The following PRKN variants were observed in gnomAD, a reference collection of about 807,000 sequenced individuals.
PRKN encodes the protein parkin RBR E3 ubiquitin protein ligase.
A neutral mutation model predicts 59.5 loss-of-function variants in PRKN; 56 were observed. The ratio of observed to expected loss-of-function variants is 0.94; its 90% CI spans 0.76 to 1.18. PRKN has a LOEUF of 1.18. Among genes scored for constraint, PRKN ranks in the 50% most tolerant of loss-of-function variants. The pLI is 0.00. For missense variants in PRKN, 657 were observed against 596.4 expected, an observed-to-expected ratio of 1.10 and a Z score of -1.06; for synonymous variants, 250 against 222.1, an observed-to-expected ratio of 1.13 and a Z score of -1.12.
chr6:162,559,749 T>C (rs1469515766), intron 1 of PRKN, among the ~76,000 whole-genome samples: 1 of 152,238 alleles, frequency 6.6e-6, no homozygotes, highest in South Asian at 2.1e-4. Context: ...CACCTGTACC[T>C]TAGCCTCTTA....
In PRKN at chr6:161,814,793, C is replaced by T. The variant is rs767137561; in HGVS notation, c.735-28885G>A. The stretch of plus-strand genomic sequence containing the variant: ...CTAGGATTACAGGCATGAGTAACCG[C>T]GCCCAGCCGGGAACTGCCTTTCATA... On this transcript the variant is annotated intron_variant, in intron 6 of 11. Coordinates refer to ENST00000366898, the MANE Select transcript of PRKN (RefSeq NM_004562.3). 2.1e-4 allele frequency among the ~76,000 whole-genome samples: 32 copies of T among 152,144 alleles called. 1 individual carries two copies. Among genetic ancestry groups the T allele is most frequent in the South Asian group, 6.2e-4 (3 of 4,822 alleles).
At chr6:161,577,607 A>G (rs544537159) in intron 7 of PRKN, among the ~76,000 whole-genome samples, 1 of 152,338 alleles carries the variant, frequency 6.6e-6, no homozygotes, top group South Asian at 2.1e-4. Flanking sequence ...GCCATGAAAT[A>G]TTATCTATTC....
chr6:161,786,028 G>A (rs556505281), intron 6 of PRKN, 120 bp from the exon 7 acceptor site: 53 of 984,948 alleles, frequency 5.4e-5, no homozygotes, highest in South Asian at 4.0e-4. Context: ...TGCAAAGACC[G>A]GAGCTGCTAA....
chr6:162,365,266 G>A (rs1583445987), intron 2 of PRKN, among the ~76,000 whole-genome samples: 1 of 151,926 alleles, frequency 6.6e-6, no homozygotes, highest in Admixed American at 6.6e-5. Context: ...GTATTGTTCT[G>A]TAATGTGCTT....
chr6:162,659,501 G>GAATTGATGAATTCATCACTGTC (rs1240971499), intron 1 of PRKN, among the ~76,000 whole-genome samples: 2 of 152,202 alleles, frequency 1.3e-5, no homozygotes, highest in Admixed American at 6.5e-5. Context: ...ACTGAAACAA[G>GAATTGATGAATTCATCACTGTC]AATTGATGAA....
intron 7 of PRKN, among the ~76,000 whole-genome samples, chr6:161,747,115 C>T (rs375002076): frequency 1.6e-4 from 24 of 152,048 alleles, no homozygotes; most frequent in Non-Finnish European, 2.2e-4. Context: ...GTTGAGTCAA[C>T]GGGCATTTAT....
At chr6:161,800,365 G>T (rs930794987) in intron 6 of PRKN, among the ~76,000 whole-genome samples, 3 of 152,062 alleles carry the variant, frequency 2.0e-5, no homozygotes, top group Non-Finnish European at 4.4e-5. Flanking sequence ...AACATCCATG[G>T]GTTCATGGTT....
chr6:162,505,465 A>T (rs1188201121), intron 1 of PRKN, among the ~76,000 whole-genome samples: 1 of 152,138 alleles, frequency 6.6e-6, no homozygotes, highest in Admixed American at 6.5e-5. Flanking sequence ...ACCCCACTCA[A>T]GAGCTACTGA....
At chr6:161,899,437 A>G (rs1188147134) in intron 6 of PRKN, among the ~76,000 whole-genome samples, 2 of 152,198 alleles carry the variant, frequency 1.3e-5, no homozygotes, top group Non-Finnish European at 2.9e-5. Flanking sequence ...TATGTAGGTA[A>G]TATTTTGCAA....
At chr6:161,627,469 T>C (rs1278427709) in intron 7 of PRKN, among the ~76,000 whole-genome samples, 2 of 152,226 alleles carry the variant, frequency 1.3e-5, no homozygotes, top group Non-Finnish European at 2.9e-5. Context: ...GTGTTTACTA[T>C]AAAGAACAAG....
At chr6:162,512,143 G>C (rs1229378847) in intron 1 of PRKN, among the ~76,000 whole-genome samples, 1 of 152,210 alleles carries the variant, frequency 6.6e-6, no homozygotes, top group African/African-American at 2.4e-5. Context: ...ACAAATTAAA[G>C]TGGAAGAATG....
At chr6:162,166,047 C>CAAAAAAAAAAAAAAA (rs10557222) in intron 4 of PRKN, among the ~76,000 whole-genome samples, 1 of 80,198 alleles carries the variant, frequency 1.2e-5, no homozygotes, top group African/African-American at 5.1e-5. Context: ...GACTCTATCT[C>CAAAAAAAAAAAAAAA]AAAAAAAAAA....
chr6:162,582,551 T>C (rs953747480), intron 1 of PRKN, among the ~76,000 whole-genome samples: 1 of 152,154 alleles, frequency 6.6e-6, no homozygotes, highest in African/African-American at 2.4e-5. Flanking sequence ...TAGGACCAAA[T>C]TCAAGTTCAA....
chr6:161,498,733 C>A lies in PRKN; in HGVS notation c.1083+50121G>T, dbSNP rs368676580. The stretch of plus-strand genomic sequence containing the variant: ...ACAGGCCTTACGCGTGAGAAACAAA[C>A]CTTTGTTGTTTCAAACCACTGAAAT... On this transcript the variant is annotated intron_variant, in intron 9 of 11. Transcript: ENST00000366898. This position sits in a 1 kb window ranked among gnomAD's most constrained non-coding sequence, Gnocchi z 4.2. 6.6e-6 allele frequency among the ~76,000 whole-genome samples: 1 copy of A among 152,196 alleles called. No individual in the cohort carries two copies. The highest frequency in any genetic ancestry group is 1.5e-5 in the Non-Finnish European group (1 of 68,040).
At position 162,096,906 on chromosome 6, in the gene PRKN, A is replaced by G. The variant is rs145891227; in HGVS notation, c.535-42732T>C. On this transcript the variant is annotated intron_variant, in intron 4 of 11. Transcript: ENST00000366898. ...AGATGGAGTCTCGTTTTGCTCTGTC[A>G]CCCAGGCTGGAGTGCACTGGCAGGA... Among the ~76,000 whole-genome samples, 575 of 110,500 alleles carry G rather than the reference A, an allele frequency of 5.2e-3. 7 individuals carry two copies. The highest frequency in any genetic ancestry group is 0.019 in the African/African-American group (535 of 27,838). 72.5% of individuals were successfully genotyped at this position (110,500 alleles called of 152,430 possible).
chr6:161,688,916 C>T (rs1012461663), intron 7 of PRKN, among the ~76,000 whole-genome samples: 6 of 152,070 alleles, frequency 3.9e-5, no homozygotes, highest in African/African-American at 7.3e-5. Context: ...CCTCTGCTTC[C>T]GAGAAATGAT....
At chr6:161,999,181 A>T (rs896019078) in intron 5 of PRKN, among the ~76,000 whole-genome samples, 1 of 152,098 alleles carries the variant, frequency 6.6e-6, no homozygotes, top group Non-Finnish European at 1.5e-5. Context: ...TGCCACAGTG[A>T]GCTATCAAGT....
At chr6:162,183,085 T>C (rs745919014) in intron 4 of PRKN, among the ~76,000 whole-genome samples, 43 of 152,142 alleles carry the variant, frequency 2.8e-4, no homozygotes, top group Non-Finnish European at 4.4e-4. Context: ...CAAAATAACA[T>C]TTTCCATAAC....
intron 7 of PRKN, among the ~76,000 whole-genome samples, chr6:161,781,134 C>T (rs1790187682): frequency 6.6e-6 from 1 of 152,180 alleles, no homozygotes. Context: ...CCTGTCTCAG[C>T]TTCTGGTTAC....
Sources: allele counts gnomAD v4.1 joint callset (sites outside exome capture counted in the v4.1 genomes callset), GRCh38; gene constraint gnomAD v4.1.1; non-coding constraint Gnocchi (gnomAD v3.1); transcripts MANE v1.5; gene names NCBI Gene and HGNC (gene_info 2026-07-23, HGNC 2026-07-21).